IQCK: variants seen among roughly 807,000 people sequenced by gnomAD.
IQCK encodes the protein IQ domain-containing protein K.
A neutral mutation model predicts 28.1 loss-of-function variants in IQCK; 29 were observed. The ratio of observed to expected loss-of-function variants is 1.03; its 90% CI spans 0.77 to 1.41. The LOEUF is 1.41. Among genes scored for constraint, IQCK ranks in the 40% most tolerant of loss-of-function variants. The probability of loss-of-function intolerance (pLI) is 0.00; values close to 1 mark genes in which losing one functional copy is unlikely to be tolerated. For missense variants in IQCK, 359 were observed against 314.7 expected (o/e 1.14, Z -1.07); for synonymous variants, 113 against 115.1 (o/e 0.98, Z 0.12).
At chr16:19,830,014 CGAATGAATGAATGAATGAAT>C (rs36097422), downstream of IQCK, among the ~76,000 whole-genome samples, 2 of 151,490 alleles carry the variant, frequency 1.3e-5, no homozygotes, top group South Asian at 2.1e-4. Flanking sequence ...ATCAGTTGAA[CGAATGAATGAATGAATGAAT>C]GAATGAATGA....
Position 19,827,021 on chromosome 16 carries a change from T to C in IQCK, c.691-5T>C. 1 of 1,605,482 alleles carries C rather than the reference T, an allele frequency of 6.2e-7. No individual in the cohort carries two copies. The highest frequency in any genetic ancestry group is 1.1e-5 in the South Asian group (1 of 90,902). Reference sequence around the variant, plus strand: ...AGGGACTAAAGTTTTACTGGGATTTTCCAGGTTCGCTGTGATCCTGAGATT... The same window carrying C: ...AGGGACTAAAGTTTTACTGGGATTTCCCAGGTTCGCTGTGATCCTGAGATT... On this transcript the variant is annotated splice_region_variant and splice_polypyrimidine_tract_variant and intron_variant, in intron 7 of 7. Transcript: ENST00000564186.
downstream of IQCK, among the ~76,000 whole-genome samples, chr16:19,828,543 T>C (rs1019915275): frequency 6.6e-6 from 1 of 151,962 alleles, no homozygotes; most frequent in Admixed American, 6.6e-5. Context: ...CAACCTGATA[T>C]GTTTTCAAAT....
At chr16:19,725,577 G>A (rs1199451355) in intron 1 of IQCK, among the ~76,000 whole-genome samples, 1 of 152,084 alleles carries the variant, frequency 6.6e-6, no homozygotes, top group African/African-American at 2.4e-5. Context: ...AGCAACTCTT[G>A]GAAATGGAAT....
chr16:19,773,487 G>C (rs2055344938), intron 6 of IQCK, among the ~76,000 whole-genome samples: 1 of 152,210 alleles, frequency 6.6e-6, no homozygotes, highest in South Asian at 2.1e-4. Context: ...TAATCTCAGA[G>C]TTCCTGGGGA....
At position 19,799,263 on chromosome 16, in the gene IQCK, T is replaced by TATA. The variant is rs201293719; in HGVS notation, c.690+10341_690+10342insATA. Among the ~76,000 whole-genome samples the TATA allele has an allele frequency of 2.6e-4, 25 of 96,736 alleles. 3 individuals carry two copies. Among genetic ancestry groups the TATA allele is most frequent in the African/African-American group, 2.3e-3 (22 of 9,406 alleles). 63.5% of individuals were successfully genotyped at this position (96,736 alleles called of 152,430 possible). ...AATTCTTCTATGGTATATATATATATTTTTTTTATTTTTTAAATTTATTTT... is the reference window on the plus strand; with the variant it reads ...AATTCTTCTATGGTATATATATATATATATTTTTTTATTTTTTAAATTTATTTT... On this transcript the variant is annotated intron_variant, in intron 7 of 7. Transcript: ENST00000564186.
intron 9 of IQCK, among the ~76,000 whole-genome samples, chr16:19,839,242 C>T (rs1597604376): frequency 6.6e-6 from 1 of 151,596 alleles, no homozygotes; most frequent in East Asian, 2.0e-4. Context: ...CTCACTGCAA[C>T]CTCCACCTCC....
exon 10 of IQCK, chr16:19,857,253 AGTT>A (rs1283430328): frequency 3.1e-6 from 1 of 317,618 alleles, no homozygotes; most frequent in Non-Finnish European, 5.9e-6. Flanking sequence ...AAAGCCTAGT[AGTT>A]AGTTGCACTG....
At position 19,820,609 on chromosome 16, in the gene IQCK, A is replaced by G. The variant is rs185341576; in HGVS notation, c.691-6417A>G. 5.4e-3 allele frequency among the ~76,000 whole-genome samples: 817 copies of G among 150,650 alleles called. 11 individuals are homozygous for G. The highest frequency in any genetic ancestry group is 9.4e-3 in the Non-Finnish European group (635 of 67,826). On this transcript the variant is annotated intron_variant, in intron 7 of 7. Transcript: ENST00000564186. ...GGTTGCAGTGAGCCAAAATTGTGCCATTGCACTCCAGCCTGGGCACCAGAG... is the reference window on the plus strand; with the variant it reads ...GGTTGCAGTGAGCCAAAATTGTGCCGTTGCACTCCAGCCTGGGCACCAGAG...
Position 19,778,949 on chromosome 16 carries a change from G to A in IQCK, c.606-9889G>A, listed in dbSNP as rs1333844295. The stretch of plus-strand genomic sequence containing the variant: ...TATATGAGTTTCCTAGGGCTACTGC[G>A]AGAAATTACCACAAAGTTGGTGCTT... On this transcript the variant is annotated intron_variant, in intron 6 of 7. Coordinates refer to ENST00000564186, the Ensembl canonical transcript of IQCK. Among the ~76,000 whole-genome samples the A allele has an allele frequency of 3.3e-5, 5 of 152,278 alleles. 1 individual carries two copies. The highest frequency in any genetic ancestry group is 4.8e-5 in the African/African-American group (2 of 41,560).
chr16:19,835,574 T>C lies in IQCK; in HGVS notation c.802+8437T>C, dbSNP rs1283193173. 2.7e-5 allele frequency among the ~76,000 whole-genome samples: 4 copies of C among 148,080 alleles called. No homozygotes were observed. In the East Asian group the frequency reaches 8.1e-4, roughly 30 times the overall value. Reference sequence around the variant, plus strand: ...TAGCTTGCTTGTAGAAGTATTTCTTTTTCTTTTCTTTTCTTTTTTTTTTTT... The same window carrying C: ...TAGCTTGCTTGTAGAAGTATTTCTTCTTCTTTTCTTTTCTTTTTTTTTTTT... On this transcript the variant is annotated intron_variant, in intron 9 of 9. Coordinates refer to the IQCK transcript ENST00000320394.
At chr16:19,789,436 A>AC (rs2055591848) in intron 7 of IQCK, among the ~76,000 whole-genome samples, 3 of 87,580 alleles carry the variant, frequency 3.4e-5, no homozygotes, top group African/African-American at 1.5e-4. Flanking sequence ...AAAAAAAAAA[A>AC]CACAAAGACT....
chr16:19,846,443 G>T (rs1028935765), intron 9 of IQCK, among the ~76,000 whole-genome samples: 2 of 152,152 alleles, frequency 1.3e-5, no homozygotes, highest in South Asian at 4.2e-4. Context: ...CCTTTACGGG[G>T]TCAAACCTTG....
intron 4 of IQCK, among the ~76,000 whole-genome samples, chr16:19,753,109 C>A (rs573246084): frequency 3.8e-4 from 58 of 152,090 alleles, no homozygotes; most frequent in African/African-American, 1.3e-3. Flanking sequence ...TGAGCCAACT[C>A]GGGTCAATTG....
intron 7 of IQCK, chr16:19,789,336 AG>A (rs1163566154): frequency 2.3e-5 from 1 of 42,742 alleles, no homozygotes; most frequent in Non-Finnish European, 3.8e-5. Flanking sequence ...GCTTGAGCCC[AG>A]GACGCAGAGG....
At position 19,740,284 on chromosome 16, in the gene IQCK, A is replaced by G. The variant is rs535217334; in HGVS notation, c.474+4834A>G. Reference sequence around the variant, plus strand: ...TACTCATAACTGACCTTCCCCCATCATCTGTGTTTTGACTACTGCTATGAT... The same window carrying G: ...TACTCATAACTGACCTTCCCCCATCGTCTGTGTTTTGACTACTGCTATGAT... On this transcript the variant is annotated intron_variant, in intron 4 of 7. Transcript: ENST00000564186. Among the ~76,000 whole-genome samples, 8 of 152,234 alleles carry G rather than the reference A, an allele frequency of 5.3e-5. No homozygotes were observed. In the South Asian group the frequency reaches 1.5e-3, roughly 28 times the overall value.
At chr16:19,752,273 T>C (rs1219776923) in intron 4 of IQCK, among the ~76,000 whole-genome samples, 4 of 152,226 alleles carry the variant, frequency 2.6e-5, no homozygotes, top group Non-Finnish European at 4.4e-5. Flanking sequence ...AGTGGCTACA[T>C]TGCAAACTTC....
rs539435244 is a variant in IQCK, at chr16:19,804,279, G to GGTT, written c.690+15359_690+15361dup. 1.2e-4 allele frequency among the ~76,000 whole-genome samples: 19 copies of GGTT among 152,100 alleles called. No homozygotes were observed. In the South Asian group the frequency reaches 3.8e-3, roughly 30 times the overall value. On this transcript the variant is annotated intron_variant, in intron 7 of 7. Coordinates refer to ENST00000564186, the Ensembl canonical transcript of IQCK. ...GAATCACTTGAACCTGGGAGACAGA[G>GGTT]GTTGCAGTGAGTTGAGATCACACCA...
exon 10 of IQCK, chr16:19,857,497 A>G: frequency 2.3e-6 from 1 of 429,234 alleles, no homozygotes; most frequent in South Asian, 1.7e-5. Context: ...ACATTATAAA[A>G]CACACATTAA....
chr16:19,744,980 A>G (rs1028114813), intron 4 of IQCK, among the ~76,000 whole-genome samples: 4 of 152,348 alleles, frequency 2.6e-5, no homozygotes, highest in Admixed American at 2.6e-4. Flanking sequence ...AGATAATAGT[A>G]TCTAAATTCG....
Sources: gnomAD v4.1 joint callset for allele counts (sites outside exome capture counted in the v4.1 genomes callset) on GRCh38, gnomAD v4.1.1 for gene constraint, MANE v1.5 for transcripts, NCBI Gene and HGNC (gene_info 2026-07-23, HGNC 2026-07-21) for gene names.